SPRR2G: variants seen among roughly 807,000 people sequenced by gnomAD.
SPRR2G encodes small proline rich protein 2G, also known as small proline-rich protein 2G.
In SPRR2G, 1 loss-of-function variant was observed where a neutral mutation model predicts 0.7. That is an observed-to-expected ratio of 1.49 (90% CI 0.53 to 7.06). The LOEUF (loss-of-function observed/expected upper bound fraction) is 7.06. Among genes scored for constraint, SPRR2G ranks in the 30% most tolerant of loss-of-function variants. The pLI, the probability that SPRR2G is intolerant of heterozygous loss-of-function variation, is 0.14. For synonymous variants in SPRR2G, 38 were observed against 33.9 expected (o/e 1.12, Z -0.42); for missense variants, 96 against 88.5 (o/e 1.09, Z -0.34).
the SPRR2G span, among the ~76,000 whole-genome samples, chr1:153,174,263 G>A: frequency 3.9e-5 from 6 of 152,072 alleles, no homozygotes; most frequent in Non-Finnish European, 7.4e-5. Flanking sequence ...ACCATCTCAG[G>A]ATATTAATTA....
the SPRR2G span, among the ~76,000 whole-genome samples, chr1:153,169,683 C>T: frequency 6.6e-6 from 1 of 152,170 alleles, no homozygotes; most frequent in South Asian, 2.1e-4. Flanking sequence ...AAACTTCAGC[C>T]TTCCATCATG....
chr1:153,199,994 G>A, the SPRR2G span, among the ~76,000 whole-genome samples: 1 of 152,100 alleles, frequency 6.6e-6, no homozygotes, highest in Non-Finnish European at 1.5e-5. Context: ...AAAAAGCAGC[G>A]AGGGAGATTC....
the SPRR2G span, among the ~76,000 whole-genome samples, chr1:153,192,186 A>C: frequency 1.3e-5 from 2 of 152,222 alleles, no homozygotes; most frequent in Admixed American, 1.3e-4. Flanking sequence ...CATAAGGGAC[A>C]GCCTTGAATT....
the SPRR2G span, among the ~76,000 whole-genome samples, chr1:153,197,645 GC>G: frequency 1.3e-5 from 2 of 152,154 alleles, no homozygotes; most frequent in Non-Finnish European, 2.9e-5. Flanking sequence ...AGACAGCATT[GC>G]CCCCCGGCAG....
At chr1:153,159,998 G>A in the SPRR2G span, among the ~76,000 whole-genome samples, 6 of 152,182 alleles carry the variant, frequency 3.9e-5, no homozygotes, top group Non-Finnish European at 7.4e-5. Flanking sequence ...ATATTGCACA[G>A]CAGGTCTCTA....
upstream of SPRR2G, among the ~76,000 whole-genome samples, chr1:153,155,201 A>G (rs1435877949): frequency 6.6e-6 from 1 of 152,148 alleles, no homozygotes; most frequent in Non-Finnish European, 1.5e-5. Flanking sequence ...TTTGCACTCC[A>G]GAACTCACTT....
At chr1:153,191,780 C>T in the SPRR2G span, 1 of 152,204 alleles carries the variant, frequency 6.6e-6, no homozygotes, top group Non-Finnish European at 1.5e-5. Flanking sequence ...TCTCAGAGCA[C>T]AACACACCAC....
chr1:153,188,000 C>A, the SPRR2G span, among the ~76,000 whole-genome samples: 1 of 152,204 alleles, frequency 6.6e-6, no homozygotes, highest in Non-Finnish European at 1.5e-5. Context: ...GAGGTCCACT[C>A]CAGACCCTGT....
At chr1:153,155,239 G>C (rs1373758908), upstream of SPRR2G, among the ~76,000 whole-genome samples, 1 of 152,024 alleles carries the variant, frequency 6.6e-6, no homozygotes, top group Non-Finnish European at 1.5e-5. Context: ...TTGCCCTCTA[G>C]ATATCTCTGT....
chr1:153,194,564 G>T, the SPRR2G span, among the ~76,000 whole-genome samples: 1 of 152,202 alleles, frequency 6.6e-6, no homozygotes, highest in Non-Finnish European at 1.5e-5. Context: ...GTACAGCCTT[G>T]AATTATGTGC....
In SPRR2G at chr1:153,149,944, G is replaced by T. The variant is rs377748485; in HGVS notation, c.167C>A (p.Pro56His). 2 of 1,614,078 alleles carry T rather than the reference G, an allele frequency of 1.2e-6. No homozygotes were observed. Among genetic ancestry groups the T allele is most frequent in the South Asian group, 2.2e-5 (2 of 91,078 alleles). ...GCAGGGTGGGTATGGTTGCACAGGAGGGCATTTATCCTGGCATGGTGGAGG... is the reference window on the plus strand; with the variant it reads ...GCAGGGTGGGTATGGTTGCACAGGATGGCATTTATCCTGGCATGGTGGAGG... ...CPPPPCQDKC[P>H]PVQPYPPCQQ... The change falls in exon 2 of 2, where the codon CCT becomes CAT. Residue 56 changes from proline to histidine, a missense_variant. By Grantham distance (77) the Pro-to-His change is moderately conservative. Transcript: ENST00000368748.
At chr1:153,191,229 C>A in the SPRR2G span, 1 of 152,424 alleles carries the variant, frequency 6.6e-6, no homozygotes. Flanking sequence ...CACAAAGGAG[C>A]CATCAGTGTC....
chr1:153,153,998 A>G (rs1362398189), upstream of SPRR2G, among the ~76,000 whole-genome samples: 4 of 152,118 alleles, frequency 2.6e-5, no homozygotes, highest in Admixed American at 2.6e-4. Flanking sequence ...TTTCTTCTAT[A>G]CCTAATTCGT....
At chr1:153,178,182 T>C in the SPRR2G span, among the ~76,000 whole-genome samples, 1 of 152,192 alleles carries the variant, frequency 6.6e-6, no homozygotes, top group Admixed American at 6.5e-5. Flanking sequence ...CCTTGTATTC[T>C]GTGGCCTTGA....
At chr1:153,155,726 T>G (rs1185225711), upstream of SPRR2G, among the ~76,000 whole-genome samples, 4 of 152,220 alleles carry the variant, frequency 2.6e-5, no homozygotes, top group African/African-American at 9.7e-5. Flanking sequence ...TGTATCAAAC[T>G]CTGTAATTTT....
chr1:153,175,978 A>G, the SPRR2G span: 1 of 152,058 alleles, frequency 6.6e-6, no homozygotes, highest in African/African-American at 2.4e-5. Context: ...AATTGCTGGA[A>G]CCCCGGAGAC....
At chr1:153,150,190 T>C in intron 1 of SPRR2G, 59 bp from the exon 2 acceptor site, 1 of 1,592,096 alleles carries the variant, frequency 6.3e-7, no homozygotes, top group Non-Finnish European at 8.5e-7. Context: ...GTGGAGCAAT[T>C]AGCTAGGACA....
the SPRR2G span, among the ~76,000 whole-genome samples, chr1:153,177,145 T>C: frequency 2.6e-5 from 4 of 152,338 alleles, no homozygotes; most frequent in East Asian, 7.7e-4. Flanking sequence ...TTGCTAAACA[T>C]AGTGTCTTGA....
upstream of SPRR2G, among the ~76,000 whole-genome samples, chr1:153,151,278 G>A (rs546923261): frequency 1.4e-4 from 21 of 152,288 alleles, no homozygotes; most frequent in South Asian, 4.4e-3. Context: ...AGTATGTGCT[G>A]ATCCTGCAGC....
Sources: gnomAD v4.1 joint callset for allele counts (sites outside exome capture counted in the v4.1 genomes callset) on GRCh38, gnomAD v4.1.1 for gene constraint, MANE v1.5 for transcripts, NCBI Gene and HGNC (gene_info 2026-07-23, HGNC 2026-07-21) for gene names.